Variants in RHD observed in about 807,000 individuals in gnomAD.
RHD encodes the protein blood group Rh(D) polypeptide.
In RHD, 16 loss-of-function variants were observed where a neutral mutation model predicts 45.5. That is an observed-to-expected ratio of 0.35 (90% CI 0.24 to 0.53). The LOEUF (loss-of-function observed/expected upper bound fraction) is 0.53. RHD is among the 20% of genes least tolerant of loss of function. RHD has a pLI of 0.92. For missense variants in RHD, 306 were observed against 532.0 expected (o/e 0.58, Z 4.18); for synonymous variants, 131 against 217.5 (o/e 0.60, Z 3.50).
intron 1 of RHD, among the ~76,000 whole-genome samples, chr1:25,284,071 T>A (rs901865813): frequency 3.7e-5 from 5 of 135,188 alleles, no homozygotes; most frequent in East Asian, 1.9e-4. Context: ...GATTATGTGG[T>A]TCCCAACAAC....
In RHD at chr1:25,284,629, T is replaced by G. The variant is rs1195482448; in HGVS notation, c.205T>G (p.Phe69Val). The G allele has an allele frequency of 7.2e-7, 1 of 1,388,872 alleles. No homozygotes were observed. Among genetic ancestry groups the G allele is most frequent in the African/African-American group, 1.4e-5 (1 of 71,160 alleles). The allele number at this position is 1,388,872 out of a possible 1,614,324, so 86.0% of individuals were successfully genotyped here. ...AIGLGFLTSS[F>V]RRHSWSSVAF... The stretch of plus-strand genomic sequence containing the variant: ...TGGCTTGGGCTTCCTCACCTCGAGT[T>G]TCCGGAGACACAGCTGGAGCAGTGT... The change falls in exon 2 of 10, where the codon TTC becomes GTC. Residue 69 changes from phenylalanine (F) to valine (V), a missense_variant. Coordinates refer to ENST00000328664, the MANE Select transcript of RHD (RefSeq NM_016124.6).
rs569386229 is a variant in RHD, at chr1:25,319,605, T to C, written c.1154-2284T>C. Among the ~76,000 whole-genome samples the C allele has an allele frequency of 3.8e-5, 5 of 131,620 alleles. 1 individual carries two copies. The highest frequency in any genetic ancestry group is 3.7e-4 in the Admixed American group (5 of 13,522). The allele number at this position is 131,620 out of a possible 152,430, so 86.3% of individuals were successfully genotyped here. ...GCCTGGACAACAGAGCAAGACCCTG[T>C]CTCAAAAAAGGAAACAAAACAACTT... On this transcript the variant is annotated intron_variant, in intron 8 of 9. Transcript: ENST00000328664.
chr1:25,310,295 G>T (rs1331647977), intron 7 of RHD, among the ~76,000 whole-genome samples: 1 of 133,010 alleles, frequency 7.5e-6, no homozygotes, highest in Non-Finnish European at 1.8e-5. Context: ...ATTAGATAAG[G>T]TCATGGGGTG....
chr1:25,292,254 C>T (rs529730462), intron 3 of RHD, among the ~76,000 whole-genome samples: 8 of 132,130 alleles, frequency 6.1e-5, no homozygotes, highest in Non-Finnish European at 1.1e-4. Context: ...ACAGGGAGAA[C>T]TAGGGAGTGT....
intron 6 of RHD, among the ~76,000 whole-genome samples, chr1:25,305,432 T>C (rs189615856): frequency 8.0e-6 from 1 of 125,312 alleles, no homozygotes; most frequent in East Asian, 2.0e-4. Flanking sequence ...AGTCTCATTC[T>C]GTCACCCAGG....
rs75208486 is a variant in RHD at position 25,315,047 on chromosome 1, A to G, written c.1074-1953A>G. On this transcript the variant is annotated intron_variant, in intron 7 of 9. Coordinates refer to ENST00000328664, the MANE Select transcript of RHD (RefSeq NM_016124.6). The stretch of plus-strand genomic sequence containing the variant: ...GTGAAGCCCTGTGCCTACTAAAAAT[A>G]CAAAAAATTAGCTGGGCGTTGTGGC... Among the ~76,000 whole-genome samples the G allele has an allele frequency of 6.7e-3, 863 of 129,226 alleles. 145 individuals are homozygous for G. Among genetic ancestry groups the G allele is most frequent in the East Asian group, 0.052 (265 of 5,072 alleles). The allele number at this position is 129,226 out of a possible 152,430, so 84.8% of individuals were successfully genotyped here. A position where few individuals can be genotyped will look rare whatever the true frequency, so the allele number is the denominator to read the frequency against.
At chr1:25,292,655 G>C (rs11488397) in intron 3 of RHD, among the ~76,000 whole-genome samples, 5 of 129,294 alleles carry the variant, frequency 3.9e-5, no homozygotes, top group African/African-American at 1.1e-4. Context: ...GGTTGGGGGA[G>C]GGGGGGTAGA....
intron 2 of RHD, 26 bp from the exon 3 acceptor site, chr1:25,290,615 G>C (rs41267486): frequency 7.4e-7 from 1 of 1,359,838 alleles, no homozygotes; most frequent in Admixed American, 1.8e-5. Context: ...CTTCTCAGTC[G>C]TCCTGGCTCT....
At chr1:25,312,924 A>T (rs1644231007) in intron 7 of RHD, among the ~76,000 whole-genome samples, 1 of 66,496 alleles carries the variant, frequency 1.5e-5, no homozygotes, top group Non-Finnish European at 3.5e-5. Flanking sequence ...CATCTCTAAA[A>T]AAAAAAAAAA....
rs1641608608 is a variant in RHD at position 25,282,772 on chromosome 1, G to A, written c.149-1801G>A. Reference sequence around the variant, plus strand: ...CCAGGCGTGGTGGCGCGCGCCTGTGGTTCCCACTGAAGCACAGGAGGCTGA... The same window carrying A: ...CCAGGCGTGGTGGCGCGCGCCTGTGATTCCCACTGAAGCACAGGAGGCTGA... On this transcript the variant is annotated intron_variant, in intron 1 of 9. Transcript: ENST00000328664. 1.5e-5 allele frequency among the ~76,000 whole-genome samples: 2 copies of A among 130,314 alleles called. 1 individual carries two copies. Among genetic ancestry groups the A allele is most frequent in the African/African-American group, 5.2e-5 (2 of 38,238 alleles). The allele number at this position is 130,314 out of a possible 152,430, so 85.5% of individuals were successfully genotyped here.
At chr1:25,287,766 G>T (rs1477813354) in intron 2 of RHD, among the ~76,000 whole-genome samples, 1 of 134,924 alleles carries the variant, frequency 7.4e-6, no homozygotes, top group Admixed American at 7.1e-5. Context: ...CTGTTGCCCA[G>T]TCTGGAGTGC....
Position 25,318,745 on chromosome 1 carries a change from C to T in RHD, c.1153+1666C>T, listed in dbSNP as rs1332163567. On this transcript the variant is annotated intron_variant, in intron 8 of 9. Transcript: ENST00000328664. ...GCGTAAGACACTATGAGTTGTGTGACGTTGGGCATGTCACTTTACTCCCTC... is the reference window on the plus strand; with the variant it reads ...GCGTAAGACACTATGAGTTGTGTGATGTTGGGCATGTCACTTTACTCCCTC... Among the ~76,000 whole-genome samples, 8 of 132,510 alleles carry T rather than the reference C, an allele frequency of 6.0e-5. 3 individuals are homozygous for T. The South Asian group carries it at 6.9e-4, about 11-fold the overall frequency. 86.9% of individuals were successfully genotyped at this position (132,510 alleles called of 152,430 possible).
In RHD at chr1:25,276,663, G is replaced by A. The variant is rs1192611928; in HGVS notation, c.148+3968G>A. On this transcript the variant is annotated intron_variant, in intron 1 of 9. Coordinates refer to ENST00000328664, the MANE Select transcript of RHD (RefSeq NM_016124.6). ...TGGGAGCTTGAGGCTGCAGTGGGAC[G>A]GGATTGTACCACTTCACTCCAGCAT... is the stretch of plus-strand genomic sequence containing the variant. Among the ~76,000 whole-genome samples, 7 of 130,250 alleles carry A rather than the reference G, an allele frequency of 5.4e-5. 2 individuals are homozygous for A. The highest frequency in any genetic ancestry group is 1.1e-4 in the Non-Finnish European group (6 of 55,362). 85.4% of individuals were successfully genotyped at this position (130,250 alleles called of 152,430 possible).
chr1:25,313,853 A>G (rs1644290059), intron 7 of RHD, among the ~76,000 whole-genome samples: 1 of 132,760 alleles, frequency 7.5e-6, no homozygotes, highest in South Asian at 2.3e-4. Flanking sequence ...AAATGAGATA[A>G]ACAACTTTGG....
In RHD at chr1:25,307,705, C is replaced by G; in HGVS notation, c.1073+976C>G. On this transcript the variant is annotated intron_variant, in intron 7 of 9. Coordinates refer to ENST00000328664, the MANE Select transcript of RHD (RefSeq NM_016124.6). Reference sequence around the variant, plus strand: ...TGAAGCAGGTGATGAGGAGCTGATGCGTTTGGACGTGTCTCAGAGAAATCA... The same window carrying G: ...TGAAGCAGGTGATGAGGAGCTGATGGGTTTGGACGTGTCTCAGAGAAATCA... 17 of 1,307,900 alleles carry G rather than the reference C, an allele frequency of 1.3e-5. 4 individuals are homozygous for G. The highest frequency in any genetic ancestry group is 1.8e-5 in the Non-Finnish European group (17 of 949,906). 81.0% of individuals were successfully genotyped at this position (1,307,900 alleles called of 1,614,324 possible).
chr1:25,329,079 C>T lies in RHD; in HGVS notation c.*155C>T, dbSNP rs536653464. The T allele has an allele frequency of 7.6e-7, 1 of 1,318,824 alleles. No homozygotes were observed. The highest frequency in any genetic ancestry group is 1.4e-5 in the African/African-American group (1 of 70,020). 81.7% of individuals were successfully genotyped at this position (1,318,824 alleles called of 1,614,324 possible). A position where few individuals can be genotyped will look rare whatever the true frequency, so the allele number is the denominator to read the frequency against. On this transcript the variant is annotated 3_prime_UTR_variant, in exon 10 of 10. Transcript: ENST00000328664. ...GAGAAAATGGAGTTGAATCCTTTCTCTGCCACTCTTTGAGGAGAATCTCAC... is the reference window on the plus strand; with the variant it reads ...GAGAAAATGGAGTTGAATCCTTTCTTTGCCACTCTTTGAGGAGAATCTCAC...
rs1395374415 is a variant in RHD, at chr1:25,310,996, A to G, written c.1073+4267A>G. On this transcript the variant is annotated intron_variant, in intron 7 of 9. Transcript: ENST00000328664. ...CTCAAAAAAAAAAAAAAAGAAAGAA[A>G]AAGAATGGAGCATTAAAGACAGTTC... is the stretch of plus-strand genomic sequence containing the variant. Among the ~76,000 whole-genome samples the G allele has an allele frequency of 3.1e-5, 4 of 130,722 alleles. 1 individual carries two copies. The highest frequency in any genetic ancestry group is 2.0e-4 in the East Asian group (1 of 5,104). The allele number at this position is 130,722 out of a possible 152,430, so 85.8% of individuals were successfully genotyped here.
rs1642114373 is a variant in RHD, at chr1:25,287,332, A to G, written c.335+2573A>G. 3.0e-5 allele frequency among the ~76,000 whole-genome samples: 4 copies of G among 134,204 alleles called. 1 individual carries two copies. The highest frequency in any genetic ancestry group is 2.9e-4 in the Admixed American group (4 of 13,976). The allele number at this position is 134,204 out of a possible 152,430, so 88.0% of individuals were successfully genotyped here. A position where few individuals can be genotyped will look rare whatever the true frequency, so the allele number is the denominator to read the frequency against. On this transcript the variant is annotated intron_variant, in intron 2 of 9. Coordinates refer to ENST00000328664, the MANE Select transcript of RHD (RefSeq NM_016124.6). The stretch of plus-strand genomic sequence containing the variant: ...CTCCCCTCATCTGATGTCCACAGGG[A>G]CCTGTTTGTTCTTGACTCAATCTAG...
In RHD at chr1:25,283,872, C is replaced by T. The variant is rs1198503919; in HGVS notation, c.149-701C>T. 6.7e-5 allele frequency among the ~76,000 whole-genome samples: 9 copies of T among 134,100 alleles called. 1 individual carries two copies. Among genetic ancestry groups the T allele is most frequent in the Middle Eastern group, 8.0e-3 (2 of 250 alleles). The allele number at this position is 134,100 out of a possible 152,430, so 88.0% of individuals were successfully genotyped here. On this transcript the variant is annotated intron_variant, in intron 1 of 9. Coordinates refer to ENST00000328664, the MANE Select transcript of RHD (RefSeq NM_016124.6). ...AAAACTGGAATTAAACCAAAGTGCTCACCCTCCGCTTTGCTGGGCCCCTCC... is the reference window on the plus strand; with the variant it reads ...AAAACTGGAATTAAACCAAAGTGCTTACCCTCCGCTTTGCTGGGCCCCTCC...
Sources: allele counts gnomAD v4.1 joint callset (sites outside exome capture counted in the v4.1 genomes callset), GRCh38; gene constraint gnomAD v4.1.1; transcripts MANE v1.5; gene names NCBI Gene and HGNC (gene_info 2026-07-23, HGNC 2026-07-21).